Variants in CMTM3 observed in about 807,000 individuals in gnomAD.
CMTM3 encodes CKLF like MARVEL transmembrane domain containing 3.
In CMTM3, 7 loss-of-function variants were observed where a neutral mutation model predicts 18.2. That is an observed-to-expected ratio of 0.38 (90% confidence interval 0.22 to 0.72). The LOEUF (loss-of-function observed/expected upper bound fraction) is 0.72. Among genes scored for constraint, CMTM3 ranks in the 30% least tolerant of loss-of-function variants. CMTM3 has a pLI of 0.46. For missense variants in CMTM3, 227 were observed against 249.2 expected (o/e 0.91, Z 0.60); for synonymous variants, 109 against 111.2 (o/e 0.98, Z 0.12).
chr16:66,609,356 C>A lies in CMTM3; in HGVS notation c.304-79C>A. On this transcript the variant is annotated intron_variant, in intron 2 of 4. Coordinates refer to ENST00000567572, the MANE Select transcript of CMTM3 (RefSeq NM_181553.4). This position sits in a 1 kb window ranked among gnomAD's most constrained non-coding sequence, Gnocchi z 4.4. ...CAGGTGCTAGGCCTGGGGCTGGGAACACGACCAGGCTGCCAGGCCTCCTCC... is the reference window on the plus strand; with the variant it reads ...CAGGTGCTAGGCCTGGGGCTGGGAAAACGACCAGGCTGCCAGGCCTCCTCC... The A allele has an allele frequency of 7.7e-7, 1 of 1,294,740 alleles. No individual in the cohort carries two copies. Among genetic ancestry groups the A allele is most frequent in the Non-Finnish European group, 1.1e-6 (1 of 918,090 alleles). 80.2% of individuals were successfully genotyped at this position (1,294,740 alleles called of 1,614,324 possible). A position where few individuals can be genotyped will look rare whatever the true frequency, so the allele number is the denominator to read the frequency against.
rs931655911 is a variant in CMTM3, at chr16:66,605,726, C to G, written c.147+774C>G. Among the ~76,000 whole-genome samples the G allele has an allele frequency of 6.6e-6, 1 of 152,202 alleles. No homozygotes were observed. The highest frequency in any genetic ancestry group is 1.5e-5 in the Non-Finnish European group (1 of 68,034). ...CTTGTCCCCACTTTACAGATGAGAG[C>G]GCTCAGGCGCCTGATTTGACAGGTG... is the stretch of plus-strand genomic sequence containing the variant. On this transcript the variant is annotated intron_variant, in intron 1 of 4. Coordinates refer to ENST00000567572, the MANE Select transcript of CMTM3 (RefSeq NM_181553.4). This position sits in a 1 kb window ranked among gnomAD's most constrained non-coding sequence, Gnocchi z 4.6.
Position 66,613,096 on chromosome 16 carries a change from C to T in CMTM3, c.*459C>T. 1.4e-6 allele frequency: 1 copy of T among 703,036 alleles called. No individual in the cohort carries two copies. The allele number at this position is 703,036 out of a possible 1,614,324, so 43.5% of individuals were successfully genotyped here. ...GGTTTGTCTGCACTTGGTGCTCCTGCCCACACCAGCCACTTTGGTGACAAT... is the reference window on the plus strand; with the variant it reads ...GGTTTGTCTGCACTTGGTGCTCCTGTCCACACCAGCCACTTTGGTGACAAT... On this transcript the variant is annotated 3_prime_UTR_variant, in exon 5 of 5. Coordinates refer to ENST00000567572, the MANE Select transcript of CMTM3 (RefSeq NM_181553.4).
At chr16:66,607,981 G>A (rs1017623661) in intron 1 of CMTM3, among the ~76,000 whole-genome samples, 2 of 152,078 alleles carry the variant, frequency 1.3e-5, no homozygotes, top group Non-Finnish European at 2.9e-5. Context: ...AAGTAGCTGG[G>A]ATTTCAGGCA....
At position 66,604,889 on chromosome 16, in the gene CMTM3, C is replaced by T. The variant is rs1230541157; in HGVS notation, c.84C>T (p.Arg28=). 2.1e-6 allele frequency: 3 copies of T among 1,437,788 alleles called. No individual in the cohort carries two copies. Among genetic ancestry groups the T allele is most frequent in the African/African-American group, 1.5e-5 (1 of 67,236 alleles). 89.1% of individuals were successfully genotyped at this position (1,437,788 alleles called of 1,614,324 possible). A position where few individuals can be genotyped will look rare whatever the true frequency, so the allele number is the denominator to read the frequency against. Residue 28 remains arginine (R), a synonymous_variant, in exon 1 of 5, where the codon CGC becomes CGT. Coordinates refer to ENST00000567572, the MANE Select transcript of CMTM3 (RefSeq NM_181553.4). Reference sequence around the variant, plus strand: ...CCGGCCCCGCGGTCCCCGGGCTCCGCGCCCTGCTGCCGGCGCGGGCTTTCC... The same window carrying T: ...CCGGCCCCGCGGTCCCCGGGCTCCGTGCCCTGCTGCCGGCGCGGGCTTTCC... ...SRPGPAVPGL[R]ALLPARAFLC... is the part of the protein sequence containing the mutation.
Position 66,612,838 on chromosome 16 carries a change from T to G in CMTM3, c.*201T>G. ...CTCAGCTCAGCACTGTTGACCACGCTGCGTATGAGGGCATCTTGGGTATCC... is the reference window on the plus strand; with the variant it reads ...CTCAGCTCAGCACTGTTGACCACGCGGCGTATGAGGGCATCTTGGGTATCC... On this transcript the variant is annotated 3_prime_UTR_variant, in exon 5 of 5. Transcript: ENST00000567572. This position sits in a 1 kb window ranked among gnomAD's most constrained non-coding sequence, Gnocchi z 6.0. The G allele has an allele frequency of 1.6e-6, 1 of 614,672 alleles. No homozygotes were observed. The highest frequency in any genetic ancestry group is 2.9e-6 in the Non-Finnish European group (1 of 343,912). 38.1% of individuals were successfully genotyped at this position (614,672 alleles called of 1,614,324 possible). A position where few individuals can be genotyped will look rare whatever the true frequency, so the allele number is the denominator to read the frequency against.
At chr16:66,604,977 G>GC in intron 1 of CMTM3, 25 bp downstream of exon 1, 2 of 1,467,336 alleles carry the variant, frequency 1.4e-6, no homozygotes, top group Non-Finnish European at 1.8e-6. Flanking sequence ...ACCCTCGGCC[G>GC]CCCCGCTAGG....
chr16:66,610,037 G>A lies in CMTM3; in HGVS notation c.520+34G>A, dbSNP rs2015317535. The stretch of plus-strand genomic sequence containing the variant: ...CTGCCCTGATCACCCCAGCAGTGCT[G>A]CAACAGGGGCCTGCCCTCCCTCGGG... On this transcript the variant is annotated intron_variant, in intron 4 of 4. Transcript: ENST00000567572. This position sits in a 1 kb window ranked among gnomAD's most constrained non-coding sequence, Gnocchi z 4.6. The A allele has an allele frequency of 6.2e-7, 1 of 1,609,424 alleles. No homozygotes were observed. The highest frequency in any genetic ancestry group is 8.5e-7 in the Non-Finnish European group (1 of 1,177,248).
In CMTM3 at chr16:66,605,188, AGAGCTGG is replaced by A; in HGVS notation, c.147+238_147+244del. 2 of 399,158 alleles carry A rather than the reference AGAGCTGG, an allele frequency of 5.0e-6. No individual in the cohort carries two copies. Among genetic ancestry groups the A allele is most frequent in the Non-Finnish European group, 8.9e-6 (2 of 223,972 alleles). 24.7% of individuals were successfully genotyped at this position (399,158 alleles called of 1,614,324 possible). A position where few individuals can be genotyped will look rare whatever the true frequency, so the allele number is the denominator to read the frequency against. ...TCCGCGGCGCTGTCCCCGCGAGTCCAGAGCTGGGGGCCGTGGGAAGTGGGTGGGGCCC... is the reference window on the plus strand; with the variant it reads ...TCCGCGGCGCTGTCCCCGCGAGTCCAGGGCCGTGGGAAGTGGGTGGGGCCC... On this transcript the variant is annotated intron_variant, in intron 1 of 4. Coordinates refer to ENST00000567572, the MANE Select transcript of CMTM3 (RefSeq NM_181553.4). The surrounding 1 kb of genome is among the most constrained non-coding windows in gnomAD (Gnocchi z 4.6).
In CMTM3 at chr16:66,605,126, A is replaced by C; in HGVS notation, c.147+174A>C. On this transcript the variant is annotated intron_variant, in intron 1 of 4. Transcript: ENST00000567572. This position sits in a 1 kb window ranked among gnomAD's most constrained non-coding sequence, Gnocchi z 4.6. ...TGGCGAAGTTGGGTCGAGGTCCCCA[A>C]ACTTTGGACGGCGGGGCGGGGCCCG... The C allele has an allele frequency of 5.7e-6, 3 of 525,076 alleles. No individual in the cohort carries two copies. Among genetic ancestry groups the C allele is most frequent in the Non-Finnish European group, 9.1e-6 (3 of 328,258 alleles). 32.5% of individuals were successfully genotyped at this position (525,076 alleles called of 1,614,324 possible).
intron 1 of CMTM3, among the ~76,000 whole-genome samples, chr16:66,606,183 C>T (rs537567075): frequency 6.6e-6 from 1 of 152,156 alleles, no homozygotes; most frequent in African/African-American, 2.4e-5. Flanking sequence ...CCGCTGAGGG[C>T]ACTCCTGCCT....
intron 4 of CMTM3, among the ~76,000 whole-genome samples, chr16:66,611,794 C>A (rs536894084): frequency 4.7e-4 from 71 of 152,084 alleles, no homozygotes; most frequent in Non-Finnish European, 9.4e-4. Flanking sequence ...CATAGGCAGG[C>A]CCTTACCATT....
rs753171459 is a variant in CMTM3, at chr16:66,610,038, C to A, written c.520+35C>A. On this transcript the variant is annotated intron_variant, in intron 4 of 4. Coordinates refer to ENST00000567572, the MANE Select transcript of CMTM3 (RefSeq NM_181553.4). The surrounding 1 kb of genome is among the most constrained non-coding windows in gnomAD (Gnocchi z 4.6). ...TGCCCTGATCACCCCAGCAGTGCTGCAACAGGGGCCTGCCCTCCCTCGGGG... is the reference window on the plus strand; with the variant it reads ...TGCCCTGATCACCCCAGCAGTGCTGAAACAGGGGCCTGCCCTCCCTCGGGG... 6.2e-7 allele frequency: 1 copy of A among 1,609,218 alleles called. No individual in the cohort carries two copies. Among genetic ancestry groups the A allele is most frequent in the Non-Finnish European group, 8.5e-7 (1 of 1,177,128 alleles).
Position 66,612,999 on chromosome 16 carries a change from CG to C in CMTM3, c.*367del, listed in dbSNP as rs1334683400. 1.4e-6 allele frequency: 1 copy of C among 700,584 alleles called. No homozygotes were observed. The highest frequency in any genetic ancestry group is 1.5e-5 in the South Asian group (1 of 67,374). 43.4% of individuals were successfully genotyped at this position (700,584 alleles called of 1,614,324 possible). ...TTCCATGCTGCTAGGTGGCGGGGGT[CG>C]GGGGTCTTCTGTTTCACTAACAGGA... On this transcript the variant is annotated 3_prime_UTR_variant, in exon 5 of 5. Coordinates refer to ENST00000567572, the MANE Select transcript of CMTM3 (RefSeq NM_181553.4). This position sits in a 1 kb window ranked among gnomAD's most constrained non-coding sequence, Gnocchi z 6.0.
chr16:66,605,100 C>A lies in CMTM3; in HGVS notation c.147+148C>A. ...GCCTCGGCCGACTTCTCTCGGGCGC[C>A]TGGCGAAGTTGGGTCGAGGTCCCCA... On this transcript the variant is annotated intron_variant, in intron 1 of 4. Transcript: ENST00000567572. This position sits in a 1 kb window ranked among gnomAD's most constrained non-coding sequence, Gnocchi z 4.6. 1.2e-6 allele frequency: 1 copy of A among 810,000 alleles called. No individual in the cohort carries two copies. Among genetic ancestry groups the A allele is most frequent in the Non-Finnish European group, 1.7e-6 (1 of 584,950 alleles). 50.2% of individuals were successfully genotyped at this position (810,000 alleles called of 1,614,324 possible). A position where few individuals can be genotyped will look rare whatever the true frequency, so the allele number is the denominator to read the frequency against.
At position 66,609,889 on chromosome 16, in the gene CMTM3, G is replaced by A. The variant is rs1393424584; in HGVS notation, c.406G>A (p.Gly136Ser). The A allele has an allele frequency of 6.2e-7, 1 of 1,614,160 alleles. No homozygotes were observed. Among genetic ancestry groups the A allele is most frequent in the Admixed American group, 1.7e-5 (1 of 60,034 alleles). The change falls in exon 4 of 5, where the codon GGC becomes AGC. Residue 136 changes from glycine (G) to serine (S), a missense_variant. Transcript: ENST00000567572. The surrounding 1 kb of genome is among the most constrained non-coding windows in gnomAD (Gnocchi z 4.4). ...CCATCCACCCTGTCCACAGGTGTTTGGCTTCTTTGCTACCATCGTGTTTGC... is the reference window on the plus strand; with the variant it reads ...CCATCCACCCTGTCCACAGGTGTTTAGCTTCTTTGCTACCATCGTGTTTGC... The part of the protein sequence containing the change: ...DGASKAAGVF[G>S]FFATIVFATD...
At position 66,608,203 on chromosome 16, in the gene CMTM3, C is replaced by G. The variant is rs879777189; in HGVS notation, c.148-106C>G. 6.3e-6 allele frequency: 8 copies of G among 1,276,172 alleles called. No homozygotes were observed. The East Asian group carries it at 1.9e-4, about 30-fold the overall frequency. The allele number at this position is 1,276,172 out of a possible 1,614,324, so 79.1% of individuals were successfully genotyped here. On this transcript the variant is annotated intron_variant, in intron 1 of 4. Coordinates refer to ENST00000567572, the MANE Select transcript of CMTM3 (RefSeq NM_181553.4). The surrounding 1 kb of genome is among the most constrained non-coding windows in gnomAD (Gnocchi z 5.1). ...CTGCGGGACTGTGAGCAGTTGGCTT[C>G]CCCTGCTGGAACCTCCTCTATCCTG...
Position 66,604,733 on chromosome 16 carries a change from C to G in CMTM3, c.-73C>G, listed in dbSNP as rs1437721672. ...TCGCCTGCCCTCCTTCCGCACAGCC[C>G]GGGTTTCCGCTTCCCTCCGGGCGCG... On this transcript the variant is annotated 5_prime_UTR_variant, in exon 1 of 5. Coordinates refer to ENST00000567572, the MANE Select transcript of CMTM3 (RefSeq NM_181553.4). 1 of 1,145,762 alleles carries G rather than the reference C, an allele frequency of 8.7e-7. No homozygotes were observed. The highest frequency in any genetic ancestry group is 1.1e-6 in the Non-Finnish European group (1 of 915,814). 71.0% of individuals were successfully genotyped at this position (1,145,762 alleles called of 1,614,324 possible).
At position 66,608,233 on chromosome 16, in the gene CMTM3, C is replaced by A; in HGVS notation, c.148-76C>A. On this transcript the variant is annotated intron_variant, in intron 1 of 4. Transcript: ENST00000567572. This position sits in a 1 kb window ranked among gnomAD's most constrained non-coding sequence, Gnocchi z 5.1. ...GCTGGAACCTCCTCTATCCTGACCA[C>A]AGGGCCTGGCTCAGAGGAGCACTGG... The A allele has an allele frequency of 6.5e-7, 1 of 1,543,186 alleles. No individual in the cohort carries two copies. The highest frequency in any genetic ancestry group is 1.2e-5 in the South Asian group (1 of 84,840).
rs1001645509 is a variant in CMTM3 at position 66,605,879 on chromosome 16, G to C, written c.147+927G>C. Among the ~76,000 whole-genome samples the C allele has an allele frequency of 6.6e-6, 1 of 152,060 alleles. No individual in the cohort carries two copies. The highest frequency in any genetic ancestry group is 1.5e-5 in the Non-Finnish European group (1 of 68,010). Reference sequence around the variant, plus strand: ...AAGGTGGTCCTGCAGCCTCTCCCACGGTCAGCCCAGAGGCCACCTGCCCAA... The same window carrying C: ...AAGGTGGTCCTGCAGCCTCTCCCACCGTCAGCCCAGAGGCCACCTGCCCAA... On this transcript the variant is annotated intron_variant, in intron 1 of 4. Transcript: ENST00000567572. The surrounding 1 kb of genome is among the most constrained non-coding windows in gnomAD (Gnocchi z 4.6).
Sources: gnomAD v4.1 joint callset for allele counts (sites outside exome capture counted in the v4.1 genomes callset) on GRCh38, gnomAD v4.1.1 for gene constraint, Gnocchi (gnomAD v3.1) non-coding constraint, MANE v1.5 for transcripts, NCBI Gene and HGNC (gene_info 2026-07-23, HGNC 2026-07-21) for gene names.